The following UBE3D variants were observed in gnomAD, a reference collection of about 807,000 sequenced individuals.
UBE3D encodes the protein ubiquitin protein ligase E3D, also known as E3 ubiquitin-protein ligase E3D.
Under a neutral mutation model 49.6 loss-of-function variants are expected in UBE3D, and 48 were observed. The ratio of observed to expected loss-of-function variants is 0.97; its 90% CI spans 0.77 to 1.23. The LOEUF is 1.23. UBE3D is among the 50% of genes most tolerant of loss of function. The pLI is 0.00. For missense variants in UBE3D, 452 were observed against 468.4 expected (o/e 0.96, Z 0.32); for synonymous variants, 189 against 174.2 (o/e 1.08, Z -0.67).
In UBE3D at chr6:83,054,189, C is replaced by T. The variant is rs775355419; in HGVS notation, c.324G>A (p.Thr108=). Residue 108 remains threonine, a synonymous_variant, in exon 3 of 10, where the codon ACG becomes ACA. Transcript: ENST00000369747. ...NQSSQTQECC[T]FYCQSCGEVI... is the part of the protein sequence containing the mutation. ...CTTCACCGCAGGATTGGCAATAAAA[C>T]GTGCAACATTCTTGGGTTTGCGAGC... 2.5e-5 allele frequency: 40 copies of T among 1,613,848 alleles called. No homozygotes were observed. The highest frequency in any genetic ancestry group is 4.0e-5 in the African/African-American group (3 of 74,874).
chr6:82,902,168 G>A (rs1223808802), intron 9 of UBE3D, among the ~76,000 whole-genome samples: 1 of 152,160 alleles, frequency 6.6e-6, no homozygotes, highest in Non-Finnish European at 1.5e-5. Context: ...CAAAGAAACT[G>A]AGTCTTCCAC....
At position 83,022,478 on chromosome 6, in the gene UBE3D, C is replaced by A. The variant is rs1327259712; in HGVS notation, c.821G>T (p.Gly274Val). The A allele has an allele frequency of 1.2e-6, 2 of 1,604,134 alleles. No homozygotes were observed. The highest frequency in any genetic ancestry group is 3.4e-5 in the Admixed American group (2 of 58,212). Residue 274 changes from glycine (G) to valine (V), a missense_variant, in exon 7 of 10, where the codon GGT becomes GTT. Coordinates refer to ENST00000369747, the MANE Select transcript of UBE3D (RefSeq NM_198920.3). The part of the protein sequence containing the change: ...ARSTFRFTIQ[G>V]QDDKVYILLW... ...CAAGATATACACTTTGTCATCCTGA[C>A]CTTGAATCGTGAATCTAAAAGTGCT... is the stretch of plus-strand genomic sequence containing the variant.
intron 8 of UBE3D, among the ~76,000 whole-genome samples, chr6:82,959,172 A>C (rs1266983781): frequency 6.6e-6 from 1 of 151,612 alleles, no homozygotes; most frequent in Non-Finnish European, 1.5e-5. Context: ...TTTTTTAGAA[A>C]AATAGAAAAT....
At chr6:82,917,840 C>A (rs1211032737) in intron 9 of UBE3D, among the ~76,000 whole-genome samples, 2 of 152,182 alleles carry the variant, frequency 1.3e-5, no homozygotes, top group East Asian at 1.9e-4. Context: ...CTTTTTCTAG[C>A]GGCTCACTCT....
chr6:83,027,460 A>AAAAAAAAAAAAAAAAAAAAC (rs1472360166), intron 5 of UBE3D, among the ~76,000 whole-genome samples: 2 of 148,548 alleles, frequency 1.3e-5, no homozygotes, highest in Non-Finnish European at 3.0e-5. Flanking sequence ...AAAAAAAAAA[A>AAAAAAAAAAAAAAAAAAAAC]AGAAACCACT....
chr6:82,892,899 G>C lies in UBE3D; in HGVS notation c.*123C>G. The C allele has an allele frequency of 8.8e-7, 1 of 1,130,378 alleles. No individual in the cohort carries two copies. 70.0% of individuals were successfully genotyped at this position (1,130,378 alleles called of 1,614,324 possible). A position where few individuals can be genotyped will look rare whatever the true frequency, so the allele number is the denominator to read the frequency against. On this transcript the variant is annotated 3_prime_UTR_variant, in exon 10 of 10. Transcript: ENST00000369747. ...AGTAAACTTAAAACTTCAATGCAATGCTCTTATCCCATAGCTCTGGTTCTT... is the reference window on the plus strand; with the variant it reads ...AGTAAACTTAAAACTTCAATGCAATCCTCTTATCCCATAGCTCTGGTTCTT...
chr6:82,893,179 G>A (rs995426419), intron 9 of UBE3D, 137 bp from the exon 10 acceptor site: 2 of 933,600 alleles, frequency 2.1e-6, no homozygotes, highest in Non-Finnish European at 3.3e-6. Flanking sequence ...GACTCTTAGT[G>A]GATCTAGACA....
At position 83,057,841 on chromosome 6, in the gene UBE3D, C is replaced by G; in HGVS notation, c.259G>C (p.Ala87Pro). Reference protein sequence around the residue: ...DGLHLRLQTQAKLGTKLISMF... With the variant: ...DGLHLRLQTQPKLGTKLISMF... ...TATTACTCACTTGTGCCTAATTTTG[C>G]TTGCGTCTGCAGTCGCAGGTGCAGT... The change falls in exon 2 of 10, where the codon GCA becomes CCA. Residue 87 changes from alanine (A) to proline (P), a missense_variant. Transcript: ENST00000369747. The G allele has an allele frequency of 6.2e-7, 1 of 1,614,092 alleles. No homozygotes were observed. Among genetic ancestry groups the G allele is most frequent in the Non-Finnish European group, 8.5e-7 (1 of 1,179,998 alleles).
At chr6:82,919,432 T>C (rs1773161496) in intron 9 of UBE3D, among the ~76,000 whole-genome samples, 1 of 151,324 alleles carries the variant, frequency 6.6e-6, no homozygotes, top group Non-Finnish European at 1.5e-5. Flanking sequence ...TGAAACCCTG[T>C]CTGCACTAAA....
chr6:83,030,308 C>A (rs529269645), intron 5 of UBE3D, among the ~76,000 whole-genome samples: 2 of 152,068 alleles, frequency 1.3e-5, no homozygotes, highest in African/African-American at 4.8e-5. Flanking sequence ...TGGGAGGGAC[C>A]CAGTGGGAGG....
Position 83,054,191 on chromosome 6 carries a change from T to C in UBE3D, c.322A>G (p.Thr108Ala), listed in dbSNP as rs1342022821. 6.2e-7 allele frequency: 1 copy of C among 1,614,104 alleles called. No individual in the cohort carries two copies. The highest frequency in any genetic ancestry group is 1.1e-5 in the South Asian group (1 of 91,088). Reference protein sequence around the residue: ...NQSSQTQECCTFYCQSCGEVI... With the variant: ...NQSSQTQECCAFYCQSCGEVI... ...TCACCGCAGGATTGGCAATAAAACG[T>C]GCAACATTCTTGGGTTTGCGAGCTT... is the stretch of plus-strand genomic sequence containing the variant. The change falls in exon 3 of 10, where the codon ACG becomes GCG. Residue 108 changes from threonine to alanine, a missense_variant. Thr to Ala is a moderately conservative substitution (Grantham distance 58). Transcript: ENST00000369747.
At chr6:82,942,560 C>T (rs1389320438) in intron 9 of UBE3D, among the ~76,000 whole-genome samples, 1 of 152,156 alleles carries the variant, frequency 6.6e-6, no homozygotes, top group Admixed American at 6.5e-5. Context: ...CAGGCCCAGG[C>T]CTGCATCCCA....
chr6:83,025,886 A>G (rs1003273584), intron 5 of UBE3D, among the ~76,000 whole-genome samples: 2,724 of 148,708 alleles, frequency 0.018, 12 homozygotes, highest in Non-Finnish European at 0.029. Context: ...CCATCTTAAA[A>G]AAAAAAAAAA....
intron 8 of UBE3D, among the ~76,000 whole-genome samples, chr6:82,984,514 A>G (rs546064880): frequency 6.6e-6 from 1 of 152,320 alleles, no homozygotes; most frequent in African/African-American, 2.4e-5. Flanking sequence ...TATATCTACC[A>G]AAGTATGAGA....
intron 8 of UBE3D, among the ~76,000 whole-genome samples, chr6:82,967,310 G>A (rs183711246): frequency 1.3e-5 from 2 of 152,220 alleles, no homozygotes; most frequent in East Asian, 3.9e-4. Context: ...GTTTAAACAT[G>A]CATTCATTTG....
intron 8 of UBE3D, among the ~76,000 whole-genome samples, chr6:82,994,733 A>G (rs1195029599): frequency 6.6e-6 from 1 of 152,212 alleles, no homozygotes; most frequent in Non-Finnish European, 1.5e-5. Flanking sequence ...GATGTGGGGG[A>G]AGTTGGAAAC....
At chr6:83,037,415 T>A (rs1782340208) in intron 5 of UBE3D, 1 of 152,186 alleles carries the variant, frequency 6.6e-6, no homozygotes. Context: ...AGAAAATAAT[T>A]TAAAAATCAA....
intron 7 of UBE3D, among the ~76,000 whole-genome samples, chr6:83,021,982 A>T (rs1781129575): frequency 6.6e-6 from 1 of 152,106 alleles, no homozygotes; most frequent in African/African-American, 2.4e-5. Context: ...GCACTTGATC[A>T]TCTGTTATTA....
At position 83,051,947 on chromosome 6, in the gene UBE3D, G is replaced by T. The variant is rs546895362; in HGVS notation, c.365+2201C>A. 2.6e-5 allele frequency among the ~76,000 whole-genome samples: 4 copies of T among 152,298 alleles called. No individual in the cohort carries two copies. The East Asian group carries it at 7.7e-4, about 29-fold the overall frequency. On this transcript the variant is annotated intron_variant, in intron 3 of 9. Transcript: ENST00000369747. ...AGAAGGCCAAAACAAACATGTCAAC[G>T]TTTATTCAATTCAACCCAGCAAAAA...
Sources: gnomAD v4.1 joint callset for allele counts (sites outside exome capture counted in the v4.1 genomes callset) on GRCh38, gnomAD v4.1.1 for gene constraint, MANE v1.5 for transcripts, NCBI Gene and HGNC (gene_info 2026-07-23, HGNC 2026-07-21) for gene names.